Variants in AXDND1 observed in about 807,000 individuals in gnomAD.
AXDND1 encodes the protein axonemal dynein light chain domain-containing protein 1.
In AXDND1, 110 loss-of-function variants were observed where a neutral mutation model predicts 137.5. That is an observed-to-expected ratio of 0.80 (90% CI 0.69 to 0.94). The LOEUF is 0.94. AXDND1 is among the 40% of genes least tolerant of loss of function. The pLI is 0.00. For missense variants in AXDND1, 1,191 were observed against 1,169.8 expected, an observed-to-expected ratio of 1.02 and a Z score of -0.26; for synonymous variants, 414 against 399.7, an observed-to-expected ratio of 1.04 and a Z score of -0.43.
chr1:179,393,758 A>C (rs1430460349), intron 9 of AXDND1, 145 bp from the exon 10 acceptor site: 1 of 518,670 alleles, frequency 1.9e-6, no homozygotes, highest in Non-Finnish European at 3.2e-6. Context: ...CTGTTGTAAA[A>C]GGGATTGATT....
At chr1:179,477,442 G>A (rs1664776142) in intron 17 of AXDND1, among the ~76,000 whole-genome samples, 1 of 151,894 alleles carries the variant, frequency 6.6e-6, no homozygotes. Context: ...AAGGTGAGAG[G>A]CCCATCTCAT....
At chr1:179,459,527 G>GT (rs1661909498) in intron 16 of AXDND1, among the ~76,000 whole-genome samples, 2 of 152,212 alleles carry the variant, frequency 1.3e-5, no homozygotes, top group South Asian at 4.1e-4. Context: ...AATTTGTAGA[G>GT]TAAGATCTTT....
At position 179,379,495 on chromosome 1, in the gene AXDND1, A is replaced by G. The variant is rs1459601248; in HGVS notation, c.581+13A>G. The stretch of plus-strand genomic sequence containing the variant: ...AGTGTTATGATGAGTGAGTACTATG[A>G]TATGTAAAAAATACCTGCCCCAGCT... On this transcript the variant is annotated intron_variant, in intron 6 of 25. Transcript: ENST00000367618. 1.2e-6 allele frequency: 2 copies of G among 1,604,996 alleles called. No individual in the cohort carries two copies. Among genetic ancestry groups the G allele is most frequent in the African/African-American group, 2.7e-5 (2 of 72,862 alleles).
chr1:179,531,023 C>T (rs1210213216), intron 23 of AXDND1, among the ~76,000 whole-genome samples: 1 of 152,102 alleles, frequency 6.6e-6, no homozygotes, highest in East Asian at 1.9e-4. Context: ...AAAGGTTAGG[C>T]TTTTTCCAAG....
chr1:179,544,985 G>A (rs994832646), intron 25 of AXDND1: 2 of 152,254 alleles, frequency 1.3e-5, no homozygotes, highest in Non-Finnish European at 1.5e-5. Flanking sequence ...CTTCATAGGG[G>A]CCTGTGTTGC....
At chr1:179,512,369 C>T (rs1429880099) in intron 21 of AXDND1, among the ~76,000 whole-genome samples, 1 of 152,044 alleles carries the variant, frequency 6.6e-6, no homozygotes, top group African/African-American at 2.4e-5. Flanking sequence ...GATCAGTTGG[C>T]TATAAGTATT....
intron 21 of AXDND1, among the ~76,000 whole-genome samples, chr1:179,517,783 A>G (rs1669683255): frequency 6.6e-6 from 1 of 152,170 alleles, no homozygotes; most frequent in Admixed American, 6.5e-5. Flanking sequence ...CAGTTTGGGC[A>G]CTCACAGTAT....
rs541548528 is a variant in AXDND1 at position 179,522,203 on chromosome 1, T to C, written c.2497-3131T>C. Among the ~76,000 whole-genome samples the C allele has an allele frequency of 1.2e-3, 186 of 152,308 alleles. 1 individual carries two copies. Among genetic ancestry groups the C allele is most frequent in the Non-Finnish European group, 1.2e-3 (85 of 68,008 alleles). ...CTCTCTATTTCTCTGCATTGCATCCTGAATAATTTTTCTGGCTTACTATCC... is the reference window on the plus strand; with the variant it reads ...CTCTCTATTTCTCTGCATTGCATCCCGAATAATTTTTCTGGCTTACTATCC... On this transcript the variant is annotated intron_variant, in intron 21 of 25. Coordinates refer to ENST00000367618, the MANE Select transcript of AXDND1 (RefSeq NM_144696.6).
chr1:179,545,642 G>T (rs2296960), intron 25 of AXDND1: 47,162 of 151,982 alleles, frequency 0.31, 8,149 homozygotes, highest in Middle Eastern at 0.43. Flanking sequence ...GGGACTTTTT[G>T]TGGGGTTGCA....
At chr1:179,459,017 C>T (rs1392207705) in intron 16 of AXDND1, among the ~76,000 whole-genome samples, 2 of 151,910 alleles carry the variant, frequency 1.3e-5, no homozygotes, top group Non-Finnish European at 2.9e-5. Context: ...AGATTAAAAT[C>T]AGTAAGACAG....
At chr1:179,374,243 A>G (rs1188929612) in intron 4 of AXDND1, among the ~76,000 whole-genome samples, 2 of 152,246 alleles carry the variant, frequency 1.3e-5, no homozygotes, top group Non-Finnish European at 2.9e-5. Flanking sequence ...ATCGTTGGCC[A>G]TCAGAGAAAT....
At chr1:179,394,787 G>C (rs1385331853) in intron 10 of AXDND1, among the ~76,000 whole-genome samples, 1 of 152,110 alleles carries the variant, frequency 6.6e-6, no homozygotes, top group Non-Finnish European at 1.5e-5. Flanking sequence ...AGATAGGATA[G>C]TCATATCAGA....
chr1:179,403,410 A>G (rs12744535), intron 11 of AXDND1, among the ~76,000 whole-genome samples: 45,694 of 152,032 alleles, frequency 0.3, 7,086 homozygotes, highest in African/African-American at 0.32. Flanking sequence ...TTGTACTTTC[A>G]GCATTACTAC....
intron 21 of AXDND1, among the ~76,000 whole-genome samples, chr1:179,518,245 A>G (rs1368126961): frequency 6.6e-6 from 1 of 152,148 alleles, no homozygotes; most frequent in African/African-American, 2.4e-5. Flanking sequence ...CCATATGATA[A>G]TATTTCCAAC....
chr1:179,387,136 C>T (rs967651451), intron 9 of AXDND1, among the ~76,000 whole-genome samples: 32 of 152,140 alleles, frequency 2.1e-4, no homozygotes, highest in African/African-American at 7.5e-4. Context: ...TTTTTCTCCT[C>T]ATAGGTGTGT....
chr1:179,376,483 A>G (rs925065304), intron 4 of AXDND1, among the ~76,000 whole-genome samples: 2 of 152,180 alleles, frequency 1.3e-5, no homozygotes, highest in African/African-American at 4.8e-5. Context: ...AGGGTCAACT[A>G]TACTACATTT....
chr1:179,382,937 A>C (rs756822173), intron 7 of AXDND1, among the ~76,000 whole-genome samples, 181 bp downstream of exon 7: 16 of 152,152 alleles, frequency 1.1e-4, no homozygotes, highest in Non-Finnish European at 1.5e-5. Context: ...CAATGTTTAT[A>C]TATTTCATTT....
At chr1:179,460,128 G>A (rs973954044) in intron 16 of AXDND1, among the ~76,000 whole-genome samples, 5 of 151,384 alleles carry the variant, frequency 3.3e-5, no homozygotes, top group Admixed American at 3.3e-4. Context: ...GTGCCATGTT[G>A]GTGTGCTGCA....
At chr1:179,469,922 C>T (rs563549213) in intron 17 of AXDND1, among the ~76,000 whole-genome samples, 21 of 152,164 alleles carry the variant, frequency 1.4e-4, no homozygotes, top group African/African-American at 4.1e-4. Flanking sequence ...AAAATTTACC[C>T]CTATGTTTTT....
Sources: allele counts gnomAD v4.1 joint callset (sites outside exome capture counted in the v4.1 genomes callset), GRCh38; gene constraint gnomAD v4.1.1; transcripts MANE v1.5; gene names NCBI Gene and HGNC (gene_info 2026-07-23, HGNC 2026-07-21).